The following UBAC2 variants were observed in gnomAD, a reference collection of about 807,000 sequenced individuals.
UBAC2 encodes the protein ubiquitin-associated domain-containing protein 2.
A neutral mutation model predicts 44.0 loss-of-function variants in UBAC2; 26 were observed. The observed-to-expected ratio is 0.59, with a 90% CI of 0.43 to 0.82. The LOEUF (loss-of-function observed/expected upper bound fraction) is 0.82, where lower values mean the gene tolerates loss of function less well. Among genes scored for constraint, UBAC2 ranks in the 40% least tolerant of loss-of-function variants. UBAC2 has a pLI of 0.00. For missense variants in UBAC2, 329 were observed against 419.4 expected, an observed-to-expected ratio of 0.78 and a Z score of 1.88; for synonymous variants, 155 against 154.3, an observed-to-expected ratio of 1.00 and a Z score of -0.04.
chr13:99,380,116 C>T (rs1173088744), intron 8 of UBAC2, among the ~76,000 whole-genome samples: 1 of 152,196 alleles, frequency 6.6e-6, no homozygotes, highest in Non-Finnish European at 1.5e-5. Context: ...ATTTTGACTG[C>T]AGCCCATCAC....
At chr13:99,201,343 T>A in intron 1 of UBAC2, 1 of 1,542,446 alleles carries the variant, frequency 6.5e-7, no homozygotes. Flanking sequence ...GGGACCGAAC[T>A]AACTCCCCCC....
chr13:99,293,939 C>A (rs561196951), intron 4 of UBAC2, among the ~76,000 whole-genome samples: 1 of 152,010 alleles, frequency 6.6e-6, no homozygotes, highest in East Asian at 1.9e-4. Context: ...GGTGTCATTG[C>A]CAACAGAGAA....
At chr13:99,208,716 T>G (rs4772182) in intron 1 of UBAC2, among the ~76,000 whole-genome samples, 150,182 of 152,226 alleles carry the variant, frequency 0.99, 74,102 homozygotes, top group East Asian at 1. Flanking sequence ...ACTTCACTAG[T>G]TTCTGGATTG....
chr13:99,300,263 C>T (rs1331558362), intron 4 of UBAC2, among the ~76,000 whole-genome samples: 5 of 152,176 alleles, frequency 3.3e-5, no homozygotes, highest in Admixed American at 3.3e-4. Context: ...CAAAGAAAGG[C>T]ATTTGCAGAA....
chr13:99,362,976 G>T (rs905001967), intron 7 of UBAC2, among the ~76,000 whole-genome samples: 8 of 152,176 alleles, frequency 5.3e-5, no homozygotes, highest in African/African-American at 1.9e-4. Context: ...CTAATGACAT[G>T]AAAATAATCT....
chr13:99,207,658 A>C (rs1459611830), intron 1 of UBAC2, among the ~76,000 whole-genome samples: 1 of 152,034 alleles, frequency 6.6e-6, no homozygotes, highest in Non-Finnish European at 1.5e-5. Flanking sequence ...GGCCAGATGC[A>C]GTTAGAGAAG....
intron 4 of UBAC2, chr13:99,313,386 CTG>C (rs2044441633): frequency 6.6e-6 from 1 of 152,122 alleles, no homozygotes; most frequent in African/African-American, 2.4e-5. Flanking sequence ...AGAAGCAAGA[CTG>C]TAAGTAGAAA....
intron 4 of UBAC2, among the ~76,000 whole-genome samples, chr13:99,259,387 G>C (rs528416796): frequency 6.6e-6 from 1 of 150,742 alleles, no homozygotes; most frequent in South Asian, 2.1e-4. Flanking sequence ...TAAATCTGTG[G>C]CTTAGAAAAG....
At chr13:99,248,212 T>C (rs1207683343) in intron 4 of UBAC2, among the ~76,000 whole-genome samples, 1 of 152,120 alleles carries the variant, frequency 6.6e-6, no homozygotes, top group Non-Finnish European at 1.5e-5. Flanking sequence ...TTGAGTCTTA[T>C]TTCCTTTCTT....
Position 99,255,556 on chromosome 13 carries a change from C to G in UBAC2, c.389+10932C>G. The G allele has an allele frequency of 1.2e-6, 2 of 1,614,146 alleles. No homozygotes were observed. Among genetic ancestry groups the G allele is most frequent in the Non-Finnish European group, 1.7e-6 (2 of 1,180,012 alleles). On this transcript the variant is annotated intron_variant, in intron 4 of 8. Coordinates refer to ENST00000403766, the MANE Select transcript of UBAC2 (RefSeq NM_001144072.2). ...AAAGGCAAGAAGCCATAAAGCAATGCTTGGGTAAAACACTGTGAGAGCTCC... is the reference window on the plus strand; with the variant it reads ...AAAGGCAAGAAGCCATAAAGCAATGGTTGGGTAAAACACTGTGAGAGCTCC...
chr13:99,348,964 AAAAAG>A (rs1291662122), intron 7 of UBAC2, among the ~76,000 whole-genome samples: 1 of 152,236 alleles, frequency 6.6e-6, no homozygotes, highest in Non-Finnish European at 1.5e-5. Context: ...ATCACGGCTC[AAAAAG>A]AAAAAGAAAA....
At chr13:99,206,435 T>C (rs942147843) in intron 1 of UBAC2, among the ~76,000 whole-genome samples, 1 of 152,216 alleles carries the variant, frequency 6.6e-6, no homozygotes, top group African/African-American at 2.4e-5. Context: ...TGTGCCTTCT[T>C]CCACGGAATC....
At chr13:99,231,345 G>C (rs1222245377) in intron 1 of UBAC2, 1 of 150,268 alleles carries the variant, frequency 6.7e-6, no homozygotes, top group Non-Finnish European at 1.5e-5. Context: ...TTTATAACCT[G>C]ATAACATTTG....
chr13:99,315,869 T>G lies in UBAC2; in HGVS notation c.513+1649T>G, dbSNP rs189320458. On this transcript the variant is annotated intron_variant, in intron 5 of 8. Coordinates refer to ENST00000403766, the MANE Select transcript of UBAC2 (RefSeq NM_001144072.2). ...ATCTCTCGGGGAAAGGGGGTCTTAG[T>G]TGGATGAAGAGGCACAGCATGGCCT... Among the ~76,000 whole-genome samples the G allele has an allele frequency of 1.8e-4, 27 of 152,206 alleles. No individual in the cohort carries two copies. In the East Asian group the frequency reaches 5.2e-3, roughly 29 times the overall value.
At chr13:99,312,113 T>C (rs1262615099) in intron 4 of UBAC2, among the ~76,000 whole-genome samples, 2 of 152,228 alleles carry the variant, frequency 1.3e-5, no homozygotes, top group Middle Eastern at 3.2e-3. Context: ...ATTTGTTTTG[T>C]GTGTGTTGTA....
intron 4 of UBAC2, among the ~76,000 whole-genome samples, chr13:99,256,873 T>G (rs1302779441): frequency 6.6e-6 from 1 of 152,108 alleles, no homozygotes; most frequent in Non-Finnish European, 1.5e-5. Flanking sequence ...GGCATCCCCT[T>G]GTAATATGGA....
intron 4 of UBAC2, among the ~76,000 whole-genome samples, chr13:99,251,444 C>A (rs1200332536): frequency 6.6e-6 from 1 of 152,120 alleles, no homozygotes; most frequent in Admixed American, 6.5e-5. Context: ...ATATTCATCC[C>A]TTCTTCTCTA....
In UBAC2 at chr13:99,200,935, G is replaced by A. The variant is rs868768990; in HGVS notation, c.27G>A (p.Gly9=). ...TGTTCACCAGCACCGGCTCCAGTGG[G>A]CTCTGTGAGTACCGGCCTCCGCCAT... MFTSTGSS[G]LYKAPLSKSL... The change falls in exon 1 of 9, where the codon GGG becomes GGA. Residue 9 remains glycine (G), a synonymous_variant. Coordinates refer to ENST00000403766, the MANE Select transcript of UBAC2 (RefSeq NM_001144072.2). 7.6e-7 allele frequency: 1 copy of A among 1,307,884 alleles called. No homozygotes were observed. The highest frequency in any genetic ancestry group is 9.8e-7 in the Non-Finnish European group (1 of 1,020,364). The allele number at this position is 1,307,884 out of a possible 1,614,324, so 81.0% of individuals were successfully genotyped here.
chr13:99,251,590 A>G (rs903960796), intron 4 of UBAC2, among the ~76,000 whole-genome samples: 1 of 152,180 alleles, frequency 6.6e-6, no homozygotes, highest in African/African-American at 2.4e-5. Context: ...ATCTTTCTAA[A>G]ATGCAGGCTT....
Sources: allele counts gnomAD v4.1 joint callset (sites outside exome capture counted in the v4.1 genomes callset), GRCh38; gene constraint gnomAD v4.1.1; transcripts MANE v1.5; gene names NCBI Gene and HGNC (gene_info 2026-07-23, HGNC 2026-07-21).